Variants in SEM1 observed in about 807,000 individuals in gnomAD.
SEM1 encodes the protein 26S proteasome complex subunit SEM1.
Under a neutral mutation model 12.7 loss-of-function variants are expected in SEM1, and 3 were observed. The observed-to-expected ratio is 0.24, with a 90% confidence interval of 0.11 to 0.61. SEM1 has a LOEUF of 0.61. Among genes scored for constraint, SEM1 ranks in the 20% least tolerant of loss-of-function variants. SEM1 has a pLI of 0.88. For missense variants in SEM1, 59 were observed against 81.3 expected (o/e 0.73, Z 1.06); for synonymous variants, 30 against 27.8 (o/e 1.08, Z -0.25).
intron 2 of SEM1, among the ~76,000 whole-genome samples, chr7:96,592,005 A>C (rs1245238883): frequency 6.6e-6 from 1 of 152,096 alleles, no homozygotes; most frequent in Admixed American, 6.6e-5. Context: ...AAACATGTTG[A>C]GCCTTTAAAG....
intron 2 of SEM1, among the ~76,000 whole-genome samples, chr7:96,575,419 G>A (rs1806171639): frequency 6.6e-6 from 1 of 152,176 alleles, no homozygotes; most frequent in African/African-American, 2.4e-5. Context: ...GCTGGGAGGT[G>A]TCTCCCAGAC....
At chr7:96,571,221 T>G (rs1045318632) in intron 2 of SEM1, among the ~76,000 whole-genome samples, 1 of 152,212 alleles carries the variant, frequency 6.6e-6, no homozygotes, top group African/African-American at 2.4e-5. Context: ...AGATCCCATT[T>G]GTCAATTTTG....
intron 2 of SEM1, among the ~76,000 whole-genome samples, chr7:96,678,361 T>TG (rs1473031950): frequency 2.0e-5 from 3 of 152,156 alleles, no homozygotes; most frequent in Non-Finnish European, 4.4e-5. Context: ...AATATATAGA[T>TG]GACAGAGACT....
chr7:96,661,299 G>A (rs568914724), intron 2 of SEM1, among the ~76,000 whole-genome samples: 2 of 152,194 alleles, frequency 1.3e-5, no homozygotes, highest in Admixed American at 1.3e-4. Context: ...CCTAAGAGAT[G>A]GCTATATCAT....
At chr7:96,517,386 A>G (rs1405987874) in intron 2 of SEM1, among the ~76,000 whole-genome samples, 1 of 152,158 alleles carries the variant, frequency 6.6e-6, no homozygotes, top group Non-Finnish European at 1.5e-5. Context: ...AAAGTGCTCT[A>G]AAAGACAACT....
chr7:96,557,106 A>G (rs1805534874), intron 2 of SEM1, among the ~76,000 whole-genome samples: 3 of 147,670 alleles, frequency 2.0e-5, no homozygotes, highest in Admixed American at 1.4e-4. Flanking sequence ...ATTTTTTTCA[A>G]AGTTTTCAAC....
chr7:96,564,235 G>A (rs560311439), intron 2 of SEM1, among the ~76,000 whole-genome samples: 1 of 151,856 alleles, frequency 6.6e-6, no homozygotes, highest in South Asian at 2.1e-4. Context: ...TTATTTATAA[G>A]TCTTTATCTT....
chr7:96,559,313 C>T (rs1026171759), intron 2 of SEM1, among the ~76,000 whole-genome samples: 27 of 152,190 alleles, frequency 1.8e-4, no homozygotes, highest in African/African-American at 5.8e-4. Context: ...GACAAGGCCT[C>T]ACTCTGTGGC....
chr7:96,593,495 A>G (rs1563076052), intron 2 of SEM1, among the ~76,000 whole-genome samples: 1 of 152,148 alleles, frequency 6.6e-6, no homozygotes, highest in Non-Finnish European at 1.5e-5. Context: ...CTGTTCCCCA[A>G]TCAGATGAAA....
intron 2 of SEM1, among the ~76,000 whole-genome samples, chr7:96,507,830 G>A (rs1290263603): frequency 6.6e-6 from 1 of 152,006 alleles, no homozygotes; most frequent in Non-Finnish European, 1.5e-5. Flanking sequence ...TTCCTTGAGA[G>A]GGCGTCTCAG....
chr7:96,517,620 A>G (rs1380357961), intron 2 of SEM1, among the ~76,000 whole-genome samples: 1 of 152,086 alleles, frequency 6.6e-6, no homozygotes, highest in East Asian at 1.9e-4. Context: ...AGAATTGCCT[A>G]TTTACATACT....
intron 2 of SEM1, among the ~76,000 whole-genome samples, chr7:96,607,616 C>CA (rs1411363821): frequency 1.0e-4 from 1 of 9,778 alleles, no homozygotes; most frequent in Non-Finnish European, 5.1e-3. Context: ...AGTAGCCAGC[C>CA]ACCCCACCTC....
At chr7:96,676,556 A>G (rs1016161483) in intron 2 of SEM1, among the ~76,000 whole-genome samples, 5 of 152,228 alleles carry the variant, frequency 3.3e-5, no homozygotes, top group Non-Finnish European at 7.3e-5. Flanking sequence ...ACAATGAAAG[A>G]AAAACAAGTA....
rs147817336 is a variant in SEM1, at chr7:96,535,339, T to C, written c.171-28641A>G. ...CAAAAATCCTTAAGGAAAAGACATA[T>C]GGTTAACTTTGTGTTTTTTTCTTTT... On this transcript the variant is annotated intron_variant and NMD_transcript_variant, in intron 2 of 3. Transcript: ENST00000466986. Among the ~76,000 whole-genome samples, 299 of 152,004 alleles carry C rather than the reference T, an allele frequency of 2.0e-3. 1 individual carries two copies. The highest frequency in any genetic ancestry group is 9.1e-3 in the South Asian group (44 of 4,814).
downstream of SEM1, among the ~76,000 whole-genome samples, chr7:96,618,645 T>C (rs2116270817): frequency 6.6e-6 from 1 of 152,212 alleles, no homozygotes; most frequent in Middle Eastern, 3.4e-3. Context: ...GCTTCTGACA[T>C]TCTTTCTTCT....
At chr7:96,507,275 A>G (rs1803783322) in intron 2 of SEM1, among the ~76,000 whole-genome samples, 1 of 152,048 alleles carries the variant, frequency 6.6e-6, no homozygotes, top group South Asian at 2.1e-4. Context: ...GAATTACTAA[A>G]CTGCCTGAGT....
chr7:96,629,882 T>G (rs911871785), intron 2 of SEM1, among the ~76,000 whole-genome samples: 1 of 152,202 alleles, frequency 6.6e-6, no homozygotes, highest in Non-Finnish European at 1.5e-5. Context: ...TCCTCCAGAC[T>G]CATAGAGGTA....
chr7:96,588,374 A>G (rs924763401), intron 2 of SEM1, among the ~76,000 whole-genome samples: 2 of 123,090 alleles, frequency 1.6e-5, no homozygotes, highest in African/African-American at 6.2e-5. Context: ...ACACACACAC[A>G]CACACACACA....
intron 2 of SEM1, among the ~76,000 whole-genome samples, chr7:96,657,627 C>A (rs1459296151): frequency 6.6e-6 from 1 of 152,120 alleles, no homozygotes; most frequent in Non-Finnish European, 1.5e-5. Flanking sequence ...GGTTGGAAAA[C>A]CTCAAAGGTA....
Sources: gnomAD v4.1 joint callset for allele counts (sites outside exome capture counted in the v4.1 genomes callset) on GRCh38, gnomAD v4.1.1 for gene constraint, MANE v1.5 for transcripts, NCBI Gene and HGNC (gene_info 2026-07-23, HGNC 2026-07-21) for gene names.